The following RANBP17 variants were observed in gnomAD, a reference collection of about 807,000 sequenced individuals.
RANBP17 encodes the protein ran-binding protein 17.
In RANBP17, 158 loss-of-function variants were observed where a neutral mutation model predicts 141.2. That is an observed-to-expected ratio of 1.12 (90% CI 0.98 to 1.28). RANBP17 has a LOEUF of 1.28. RANBP17 is among the 50% of genes most tolerant of loss of function. The pLI is 0.00. For synonymous variants in RANBP17, 430 were observed against 450.0 expected, an observed-to-expected ratio of 0.96 and a Z score of 0.56; for missense variants, 1,438 against 1,290.7, an observed-to-expected ratio of 1.11 and a Z score of -1.75.
chr5:171,033,522 T>C (rs6888066), intron 14 of RANBP17, among the ~76,000 whole-genome samples: 93,296 of 152,028 alleles, frequency 0.61, 29,936 homozygotes, highest in South Asian at 0.88. Flanking sequence ...TTTCTAACTT[T>C]AGAGGTTATT....
At chr5:171,171,308 T>G in intron 16 of RANBP17, 22 bp downstream of exon 16, 1 of 1,304,714 alleles carries the variant, frequency 7.7e-7, no homozygotes. Flanking sequence ...ACTGTATATC[T>G]GACATTATGT....
chr5:171,193,414 C>G (rs967877427), intron 18 of RANBP17, among the ~76,000 whole-genome samples: 1 of 151,662 alleles, frequency 6.6e-6, no homozygotes, highest in Admixed American at 6.6e-5. Context: ...TGCCATGTGC[C>G]CCAGGTTGTA....
At chr5:171,097,163 C>G (rs187250637) in intron 14 of RANBP17, among the ~76,000 whole-genome samples, 1 of 152,044 alleles carries the variant, frequency 6.6e-6, no homozygotes, top group Admixed American at 6.6e-5. Context: ...GTCATGTTAC[C>G]TCCATTTTTA....
intron 14 of RANBP17, among the ~76,000 whole-genome samples, chr5:171,054,582 G>T (rs909319815): frequency 1.3e-5 from 2 of 152,086 alleles, no homozygotes; most frequent in African/African-American, 2.4e-5. Context: ...CTTGGTTTTG[G>T]TGCATTTTGG....
At chr5:171,096,750 T>A (rs560158288) in intron 14 of RANBP17, among the ~76,000 whole-genome samples, 93 of 152,304 alleles carry the variant, frequency 6.1e-4, no homozygotes, top group African/African-American at 2.2e-3. Flanking sequence ...CTGAATTTTT[T>A]ATATCTGTAT....
chr5:171,053,289 C>T lies in RANBP17; in HGVS notation c.1710+84912C>T, dbSNP rs375819911. Among the ~76,000 whole-genome samples, 22 of 152,018 alleles carry T rather than the reference C, an allele frequency of 1.4e-4. 1 individual carries two copies. The South Asian group carries it at 3.5e-3, about 24-fold the overall frequency. ...TTGTGTGTTGCTGAGGTTCAGTGTA[C>T]GAATGATCCCATCACTCAGGTACTG... is the stretch of plus-strand genomic sequence containing the variant. On this transcript the variant is annotated intron_variant, in intron 14 of 27. Coordinates refer to ENST00000523189, the MANE Select transcript of RANBP17 (RefSeq NM_022897.5).
At chr5:171,006,781 C>T (rs1283805566) in intron 14 of RANBP17, among the ~76,000 whole-genome samples, 1 of 151,822 alleles carries the variant, frequency 6.6e-6, no homozygotes, top group African/African-American at 2.4e-5. Flanking sequence ...CTTCTGGCCC[C>T]TCTGGGTCTA....
At chr5:171,062,975 T>C (rs1784006903) in intron 14 of RANBP17, among the ~76,000 whole-genome samples, 1 of 152,110 alleles carries the variant, frequency 6.6e-6, no homozygotes, top group Admixed American at 6.5e-5. Context: ...TTCTGCATTC[T>C]TCACGTAGTT....
At chr5:171,274,149 T>TGTGTGTGTGCGC (rs34291143) in intron 25 of RANBP17, among the ~76,000 whole-genome samples, 6 of 126,792 alleles carry the variant, frequency 4.7e-5, no homozygotes, top group Non-Finnish European at 6.7e-5. Context: ...TGTGTGTGTG[T>TGTGTGTGTGCGC]GCGCGCGCGC....
chr5:170,891,652 T>C (rs1769619913), intron 3 of RANBP17, among the ~76,000 whole-genome samples: 1 of 152,138 alleles, frequency 6.6e-6, no homozygotes, highest in South Asian at 2.1e-4. Flanking sequence ...ATGGCTTACA[T>C]GGCTGGAGCA....
chr5:170,949,312 A>C (rs1325953857), intron 12 of RANBP17, among the ~76,000 whole-genome samples: 1 of 152,200 alleles, frequency 6.6e-6, no homozygotes, highest in Non-Finnish European at 1.5e-5. Context: ...GAATGGGAGA[A>C]AATATTTGCA....
intron 14 of RANBP17, among the ~76,000 whole-genome samples, chr5:171,088,371 C>G (rs1561639793): frequency 1.3e-5 from 2 of 152,160 alleles, no homozygotes; most frequent in Non-Finnish European, 2.9e-5. Flanking sequence ...AGTAACATGA[C>G]CTTTCTCTCT....
intron 14 of RANBP17, among the ~76,000 whole-genome samples, chr5:171,146,492 G>C (rs1758036946): frequency 1.3e-5 from 2 of 152,090 alleles, no homozygotes; most frequent in African/African-American, 4.8e-5. Context: ...TCATACAGTT[G>C]GTAATTGTTG....
intron 14 of RANBP17, among the ~76,000 whole-genome samples, chr5:171,118,357 C>G (rs61035293): frequency 6.6e-6 from 1 of 151,916 alleles, no homozygotes; most frequent in Non-Finnish European, 1.5e-5. Context: ...TCTTTTTACT[C>G]GATGTCATTT....
chr5:171,011,793 A>G (rs1780053860), intron 14 of RANBP17, among the ~76,000 whole-genome samples: 1 of 151,998 alleles, frequency 6.6e-6, no homozygotes, highest in Non-Finnish European at 1.5e-5. Flanking sequence ...TATTTAATAC[A>G]TAGTTCCTAG....
At chr5:170,965,664 C>T (rs1776501514) in intron 13 of RANBP17, among the ~76,000 whole-genome samples, 1 of 152,046 alleles carries the variant, frequency 6.6e-6, no homozygotes. Context: ...GAATCCTTTC[C>T]CCATTTCTTG....
rs1768719781 is a variant in RANBP17, at chr5:170,881,802, A to T, written c.166-4A>T. 2 of 1,559,062 alleles carry T rather than the reference A, an allele frequency of 1.3e-6. No homozygotes were observed. Among genetic ancestry groups the T allele is most frequent in the East Asian group, 4.5e-5 (2 of 44,048 alleles). ...ATAATAATAAATAAAATTATTCTTTACAGACATCCTATGCTCAGCTCCTTG... is the reference window on the plus strand; with the variant it reads ...ATAATAATAAATAAAATTATTCTTTTCAGACATCCTATGCTCAGCTCCTTG... On this transcript the variant is annotated splice_region_variant and splice_polypyrimidine_tract_variant and intron_variant, in intron 2 of 27. Transcript: ENST00000523189.
intron 8 of RANBP17, among the ~76,000 whole-genome samples, chr5:170,915,102 A>G (rs758112660): frequency 5.3e-5 from 8 of 152,122 alleles, no homozygotes; most frequent in South Asian, 2.1e-4. Context: ...TTGGGGCCAC[A>G]GCCTTCTGTC....
rs368487421 is a variant in RANBP17, at chr5:171,187,118, T to C, written c.2038+3688T>C. On this transcript the variant is annotated intron_variant, in intron 18 of 27. Transcript: ENST00000523189. ...TTATTAATTGGCCTAATATCAATATTGTTGTGTCTCAGAAAATAGAGAGGC... is the reference window on the plus strand; with the variant it reads ...TTATTAATTGGCCTAATATCAATATCGTTGTGTCTCAGAAAATAGAGAGGC... 5.5e-4 allele frequency among the ~76,000 whole-genome samples: 83 copies of C among 152,186 alleles called. 1 individual carries two copies. In the South Asian group the frequency reaches 0.017, roughly 31 times the overall value.
Sources: gnomAD v4.1 joint callset for allele counts (sites outside exome capture counted in the v4.1 genomes callset) on GRCh38, gnomAD v4.1.1 for gene constraint, MANE v1.5 for transcripts, NCBI Gene and HGNC (gene_info 2026-07-23, HGNC 2026-07-21) for gene names.